Variants in CORO2B observed in about 807,000 individuals in gnomAD.
The protein encoded by CORO2B is coronin 2B, also known as coronin-2B.
In CORO2B, 26 loss-of-function variants were observed where a neutral mutation model predicts 58.8. The ratio of observed to expected loss-of-function variants is 0.44; its 90% CI spans 0.32 to 0.61. The LOEUF (loss-of-function observed/expected upper bound fraction) is 0.61, where lower values mean the gene tolerates loss of function less well. Ranked by LOEUF, CORO2B falls within the 20% of genes least tolerant of loss-of-function variation. The pLI, the probability that CORO2B is intolerant of heterozygous loss-of-function variation, is 0.04. For missense variants in CORO2B, 460 were observed against 645.1 expected (o/e 0.71, Z 3.11); for synonymous variants, 242 against 253.8 (o/e 0.95, Z 0.44).
chr15:68,615,291 A>G (rs903683988), intron 1 of CORO2B, among the ~76,000 whole-genome samples: 1 of 152,136 alleles, frequency 6.6e-6, no homozygotes, highest in East Asian at 1.9e-4. Context: ...CATCCTTTCT[A>G]ATCAAAGTGG....
chr15:68,524,253 A>G, the CORO2B span, among the ~76,000 whole-genome samples: 18 of 152,286 alleles, frequency 1.2e-4, no homozygotes, highest in Admixed American at 7.2e-4. Context: ...CCAGCTTTTT[A>G]AGTTTATTTC....
chr15:68,709,465 T>G (rs796162371), intron 3 of CORO2B, among the ~76,000 whole-genome samples: 7 of 148,750 alleles, frequency 4.7e-5, no homozygotes, highest in African/African-American at 1.7e-4. Context: ...TCGTGTTTTT[T>G]TTTTTTTTTT....
At chr15:68,667,742 A>T (rs759769730) in intron 2 of CORO2B, among the ~76,000 whole-genome samples, 3 of 151,782 alleles carry the variant, frequency 2.0e-5, no homozygotes, top group Non-Finnish European at 4.4e-5. Flanking sequence ...GGGCGGGGGG[A>T]TGTGGAGGAA....
chr15:68,586,493 C>A (rs1030041991), intron 1 of CORO2B, among the ~76,000 whole-genome samples: 1 of 152,142 alleles, frequency 6.6e-6, no homozygotes, highest in African/African-American at 2.4e-5. Flanking sequence ...AAGCCACGGA[C>A]CTTGATCACT....
chr15:68,620,017 C>T (rs1900473214), intron 1 of CORO2B, among the ~76,000 whole-genome samples: 2 of 152,012 alleles, frequency 1.3e-5, no homozygotes, highest in African/African-American at 4.8e-5. Flanking sequence ...GTTCAAGCAA[C>T]TCTCCTGCCT....
At chr15:68,582,897 C>T (rs1203516275) in intron 1 of CORO2B, among the ~76,000 whole-genome samples, 3 of 152,202 alleles carry the variant, frequency 2.0e-5, no homozygotes, top group African/African-American at 7.2e-5. Flanking sequence ...CTTCCTGAGC[C>T]TGGCTCAGGG....
intron 2 of CORO2B, among the ~76,000 whole-genome samples, chr15:68,663,942 G>A (rs1035838960): frequency 2.0e-5 from 3 of 152,200 alleles, no homozygotes; most frequent in Admixed American, 6.5e-5. Context: ...CCAGGAAGAT[G>A]AAAATTAAAA....
At chr15:68,623,542 C>T (rs28550735) in intron 1 of CORO2B, among the ~76,000 whole-genome samples, 4,930 of 152,168 alleles carry the variant, frequency 0.032, 247 homozygotes, top group African/African-American at 0.1. Flanking sequence ...CAGCCTCTCC[C>T]GCCCTGCATG....
the CORO2B span, among the ~76,000 whole-genome samples, chr15:68,549,994 G>C: frequency 1.3e-5 from 1 of 74,914 alleles, no homozygotes; most frequent in Admixed American, 1.2e-4. Context: ...AGTTGCTGGT[G>C]ACCGTGGGCA....
In CORO2B at chr15:68,726,403, G is replaced by C. The variant is rs1164943824; in HGVS notation, c.*429G>C. 1 of 252,034 alleles carries C rather than the reference G, an allele frequency of 4.0e-6. No homozygotes were observed. Among genetic ancestry groups the C allele is most frequent in the Non-Finnish European group, 7.8e-6 (1 of 128,540 alleles). 15.6% of individuals were successfully genotyped at this position (252,034 alleles called of 1,614,324 possible). On this transcript the variant is annotated 3_prime_UTR_variant, in exon 12 of 12. Coordinates refer to ENST00000261861, the MANE Select transcript of CORO2B (RefSeq NM_006091.5). ...CCTGGAGCTCTCAGCATCACTGAAG[G>C]TACCACAGTGTAAGTGCTGGACTGC...
chr15:68,602,300 A>T (rs1900004062), intron 1 of CORO2B, among the ~76,000 whole-genome samples: 1 of 151,908 alleles, frequency 6.6e-6, no homozygotes, highest in Admixed American at 6.6e-5. Context: ...TGATTAGTAG[A>T]AATAATTTTT....
At chr15:68,630,165 G>A (rs1023312808) in intron 1 of CORO2B, among the ~76,000 whole-genome samples, 18 of 152,156 alleles carry the variant, frequency 1.2e-4, no homozygotes, top group Non-Finnish European at 1.5e-5. Flanking sequence ...GCATTCAGTT[G>A]AATAAAGAAA....
At chr15:68,584,016 G>C (rs945009734) in intron 1 of CORO2B, among the ~76,000 whole-genome samples, 1 of 152,232 alleles carries the variant, frequency 6.6e-6, no homozygotes, top group African/African-American at 2.4e-5. Context: ...CATTTAGCCA[G>C]CACCCTCTGA....
intron 1 of CORO2B, among the ~76,000 whole-genome samples, chr15:68,635,573 C>T (rs1480223243): frequency 6.6e-6 from 1 of 152,208 alleles, no homozygotes; most frequent in Non-Finnish European, 1.5e-5. Flanking sequence ...AGTCACTCCT[C>T]CTCTCTGGGT....
the CORO2B span, among the ~76,000 whole-genome samples, chr15:68,569,970 C>T: frequency 6.6e-6 from 1 of 152,178 alleles, no homozygotes; most frequent in Non-Finnish European, 1.5e-5. Flanking sequence ...GCTGAGGAGT[C>T]ATTGGTCAGT....
At chr15:68,621,605 C>T (rs919874013) in intron 1 of CORO2B, among the ~76,000 whole-genome samples, 1 of 152,056 alleles carries the variant, frequency 6.6e-6, no homozygotes, top group Non-Finnish European at 1.5e-5. Flanking sequence ...GGTTGGTTAC[C>T]AGAGCCTTGT....
chr15:68,587,238 T>C (rs1366562014), intron 1 of CORO2B, among the ~76,000 whole-genome samples: 2 of 152,172 alleles, frequency 1.3e-5, no homozygotes, highest in Non-Finnish European at 2.9e-5. Context: ...GTCTGCAGTT[T>C]GGTGTCTGCT....
intron 1 of CORO2B, among the ~76,000 whole-genome samples, chr15:68,597,838 A>G (rs531244247): frequency 1.6e-4 from 24 of 152,264 alleles, no homozygotes. Flanking sequence ...GTGTGGAGGC[A>G]TCTGACCCAT....
intron 3 of CORO2B, among the ~76,000 whole-genome samples, chr15:68,695,910 A>T: frequency 6.6e-6 from 1 of 151,822 alleles, no homozygotes; most frequent in Non-Finnish European, 1.5e-5. Context: ...GGAAAGGGGG[A>T]AAGAGACAAT....
Sources: gnomAD v4.1 joint callset for allele counts (sites outside exome capture counted in the v4.1 genomes callset) on GRCh38, gnomAD v4.1.1 for gene constraint, MANE v1.5 for transcripts, NCBI Gene and HGNC (gene_info 2026-07-23, HGNC 2026-07-21) for gene names.